Variants in SPATA16 observed in about 807,000 individuals in gnomAD.
SPATA16 encodes spermatogenesis associated 16, also known as spermatogenesis-associated protein 16.
SPATA16 carries 36 observed loss-of-function variants against 63.3 expected under a neutral mutation model. The ratio of observed to expected loss-of-function variants is 0.57; its 90% CI spans 0.44 to 0.75. SPATA16 has a LOEUF of 0.75. Ranked by LOEUF, SPATA16 falls within the 30% of genes least tolerant of loss-of-function variation. SPATA16 has a pLI of 0.00. For synonymous variants in SPATA16, 203 were observed against 216.7 expected, an observed-to-expected ratio of 0.94 and a Z score of 0.56; for missense variants, 646 against 679.3, an observed-to-expected ratio of 0.95 and a Z score of 0.54.
chr3:172,927,518 C>T (rs1005115236), intron 6 of SPATA16, among the ~76,000 whole-genome samples: 17 of 152,192 alleles, frequency 1.1e-4, no homozygotes, highest in African/African-American at 3.9e-4. Flanking sequence ...TAATATTCAT[C>T]TGGCGCTTCT....
chr3:172,895,997 T>C (rs947532420), intron 10 of SPATA16, among the ~76,000 whole-genome samples: 4 of 152,064 alleles, frequency 2.6e-5, no homozygotes, highest in African/African-American at 9.7e-5. Context: ...AATTTTTTTT[T>C]TTCAGTAGTG....
At chr3:172,890,483 T>A (rs1488369139) in intron 10 of SPATA16, among the ~76,000 whole-genome samples, 2 of 152,190 alleles carry the variant, frequency 1.3e-5, no homozygotes, top group Non-Finnish European at 2.9e-5. Context: ...CTAACATTAC[T>A]CACTGAAGAG....
intron 4 of SPATA16, among the ~76,000 whole-genome samples, chr3:173,018,599 A>T (rs1735250195): frequency 6.6e-6 from 1 of 152,118 alleles, no homozygotes; most frequent in African/African-American, 2.4e-5. Flanking sequence ...TTATACACTC[A>T]AACTCTTGCT....
chr3:173,085,450 A>G (rs1007284108), intron 2 of SPATA16, among the ~76,000 whole-genome samples: 1 of 152,118 alleles, frequency 6.6e-6, no homozygotes, highest in Non-Finnish European at 1.5e-5. Flanking sequence ...AAATCATGTC[A>G]TCTGTAAACA....
At chr3:172,935,298 G>A (rs1211067360) in intron 6 of SPATA16, among the ~76,000 whole-genome samples, 1 of 152,070 alleles carries the variant, frequency 6.6e-6, no homozygotes, top group Non-Finnish European at 1.5e-5. Context: ...CCTGCGAATA[G>A]CCACTCAAAA....
chr3:173,002,254 A>G (rs907057540), intron 4 of SPATA16, among the ~76,000 whole-genome samples: 3 of 152,120 alleles, frequency 2.0e-5, no homozygotes, highest in Admixed American at 6.6e-5. Context: ...ACACACACTG[A>G]AGCTGGTGTT....
intron 3 of SPATA16, among the ~76,000 whole-genome samples, chr3:173,033,427 A>C (rs1022627649): frequency 6.6e-5 from 10 of 152,224 alleles, no homozygotes; most frequent in South Asian, 6.2e-4. Context: ...TGACATTTTC[A>C]TTTTTCGTTC....
At chr3:173,029,359 C>G (rs1454206434) in intron 3 of SPATA16, among the ~76,000 whole-genome samples, 1 of 151,112 alleles carries the variant, frequency 6.6e-6, no homozygotes, top group East Asian at 1.9e-4. Flanking sequence ...CCTCCAGGGT[C>G]AGAGACAAAG....
chr3:173,095,860 TCTAG>T (rs1313654760), intron 2 of SPATA16, among the ~76,000 whole-genome samples: 2 of 152,162 alleles, frequency 1.3e-5, no homozygotes, highest in Admixed American at 6.6e-5. Context: ...ACCTACATTA[TCTAG>T]CTATTAACTT....
chr3:173,070,295 T>G (rs1019119230), intron 2 of SPATA16, among the ~76,000 whole-genome samples: 1 of 150,914 alleles, frequency 6.6e-6, no homozygotes, highest in African/African-American at 2.4e-5. Flanking sequence ...CTCAGTAGGC[T>G]GAGGCACGAG....
At chr3:172,902,315 A>T (rs12632600) in intron 10 of SPATA16, among the ~76,000 whole-genome samples, 14,814 of 152,154 alleles carry the variant, frequency 0.097, 819 homozygotes, top group African/African-American at 0.15. Flanking sequence ...GTGCTGGGAT[A>T]ACAGGCATGA....
At chr3:173,093,040 A>AAC (rs57114377) in intron 2 of SPATA16, among the ~76,000 whole-genome samples, 10,364 of 142,558 alleles carry the variant, frequency 0.073, 375 homozygotes, top group Middle Eastern at 0.11. Flanking sequence ...ATGCACCTAA[A>AAC]ACACACACAC....
At chr3:172,922,592 T>G (rs959567509) in intron 8 of SPATA16, among the ~76,000 whole-genome samples, 2 of 152,200 alleles carry the variant, frequency 1.3e-5, no homozygotes, top group East Asian at 3.9e-4. Flanking sequence ...GTCAGTTTCC[T>G]GACAAGTGAC....
At chr3:173,074,662 A>T (rs949048211) in intron 2 of SPATA16, among the ~76,000 whole-genome samples, 2 of 152,060 alleles carry the variant, frequency 1.3e-5, no homozygotes, top group Admixed American at 6.6e-5. Context: ...CTTTATCAGA[A>T]GTGTGAAAAC....
intron 2 of SPATA16, among the ~76,000 whole-genome samples, chr3:173,097,895 C>A (rs964500271): frequency 6.6e-6 from 1 of 152,180 alleles, no homozygotes; most frequent in South Asian, 2.1e-4. Flanking sequence ...GTAGAACTTG[C>A]ATTTGTCAAA....
intron 5 of SPATA16, among the ~76,000 whole-genome samples, chr3:172,960,983 CTCTT>C (rs1482775239): frequency 1.6e-5 from 2 of 127,878 alleles, no homozygotes; most frequent in Admixed American, 9.2e-5. Flanking sequence ...TTTTCTCTTT[CTCTT>C]TCTTTTTTCT....
chr3:172,942,516 C>G (rs1733179850), intron 6 of SPATA16, among the ~76,000 whole-genome samples: 1 of 151,912 alleles, frequency 6.6e-6, no homozygotes, highest in Non-Finnish European at 1.5e-5. Context: ...AATCTTAAAA[C>G]AGGCACATTG....
intron 2 of SPATA16, among the ~76,000 whole-genome samples, chr3:173,071,364 G>A (rs1406809631): frequency 3.3e-5 from 5 of 152,140 alleles, no homozygotes; most frequent in African/African-American, 1.2e-4. Context: ...ACGATTAGAA[G>A]AAAACATTGG....
At chr3:172,967,615 G>A (rs946460079) in intron 5 of SPATA16, among the ~76,000 whole-genome samples, 1 of 152,128 alleles carries the variant, frequency 6.6e-6, no homozygotes, top group Non-Finnish European at 1.5e-5. Flanking sequence ...GGTGAGTGGC[G>A]GGCCAGTAAG....
Sources: gnomAD v4.1 joint callset for allele counts (sites outside exome capture counted in the v4.1 genomes callset) on GRCh38, gnomAD v4.1.1 for gene constraint, MANE v1.5 for transcripts, NCBI Gene and HGNC (gene_info 2026-07-23, HGNC 2026-07-21) for gene names.